Variants in BRD1 observed in about 807,000 individuals in gnomAD.
BRD1 encodes the protein bromodomain-containing protein 1.
In BRD1, 24 loss-of-function variants were observed where a neutral mutation model predicts 107.7. That is an observed-to-expected ratio of 0.22 (90% confidence interval 0.16 to 0.31). The LOEUF (loss-of-function observed/expected upper bound fraction) is 0.31, where lower values mean the gene tolerates loss of function less well. Among genes scored for constraint, BRD1 ranks in the 10% least tolerant of loss-of-function variants. BRD1 has a pLI of 1.00. For synonymous variants in BRD1, 744 were observed against 686.1 expected (o/e 1.08, Z -1.32); for missense variants, 1,279 against 1,638.6 (o/e 0.78, Z 3.79).
chr22:49,784,407 C>T (rs1170568728), intron 8 of BRD1, among the ~76,000 whole-genome samples: 4 of 152,182 alleles, frequency 2.6e-5, no homozygotes, highest in African/African-American at 4.8e-5. Flanking sequence ...CTTCAGGTGA[C>T]GGTTCACTGC....
chr22:49,803,205 C>G lies in BRD1; in HGVS notation c.1524+999G>C, dbSNP rs2059674203. Among the ~76,000 whole-genome samples the G allele has an allele frequency of 6.6e-6, 1 of 152,264 alleles. No homozygotes were observed. Among genetic ancestry groups the G allele is most frequent in the South Asian group, 2.1e-4 (1 of 4,838 alleles). The stretch of plus-strand genomic sequence containing the variant: ...CTGAACAGGGCTCACGCTGCAGAGG[C>G]AGAGTCTGCGAGGCAGAGACAGCAC... On this transcript the variant is annotated intron_variant, in intron 3 of 12. Transcript: ENST00000404760. This position sits in a 1 kb window ranked among gnomAD's most constrained non-coding sequence, Gnocchi z 4.4.
chr22:49,782,180 G>A lies in BRD1; in HGVS notation c.2858-4367C>T, dbSNP rs2059223232. 2.7e-5 allele frequency among the ~76,000 whole-genome samples: 4 copies of A among 150,258 alleles called. No homozygotes were observed. The South Asian group carries it at 8.6e-4, about 32-fold the overall frequency. ...CTGGGACCTGCTCCGTGACAATGCAGCCGGGGACGGTCAGAGACAGACCCA... is the reference window on the plus strand; with the variant it reads ...CTGGGACCTGCTCCGTGACAATGCAACCGGGGACGGTCAGAGACAGACCCA... On this transcript the variant is annotated intron_variant, in intron 8 of 12. Coordinates refer to ENST00000404760, the MANE Select transcript of BRD1 (RefSeq NM_001304808.3).
chr22:49,788,088 C>G (rs2059364386), intron 7 of BRD1, among the ~76,000 whole-genome samples: 1 of 152,170 alleles, frequency 6.6e-6, no homozygotes, highest in South Asian at 2.1e-4. Flanking sequence ...AGGCTGCGGC[C>G]CTGGGTGCAG....
rs763135820 is a variant in BRD1, at chr22:49,804,185, G to A, written c.1524+19C>T. ...GGGTGAGAGACGCAGAAAGGCTGTG[G>A]GGGCCACGAGCCACGTACCTGCTGT... On this transcript the variant is annotated intron_variant, in intron 3 of 12. Coordinates refer to ENST00000404760, the MANE Select transcript of BRD1 (RefSeq NM_001304808.3). 8 of 1,554,978 alleles carry A rather than the reference G, an allele frequency of 5.1e-6. No homozygotes were observed. The Admixed American group carries it at 5.4e-5, about 10-fold the overall frequency.
chr22:49,797,186 A>G (rs2059551005), intron 6 of BRD1, among the ~76,000 whole-genome samples: 1 of 152,192 alleles, frequency 6.6e-6, no homozygotes, highest in African/African-American at 2.4e-5. Context: ...GTGACTACAC[A>G]TGGCTGCAAC....
At chr22:49,787,079 TAAA>T (rs574375921) in intron 8 of BRD1, among the ~76,000 whole-genome samples, 1 of 150,804 alleles carries the variant, frequency 6.6e-6, no homozygotes, top group Non-Finnish European at 1.5e-5. Context: ...AAGACTCTCT[TAAA>T]AAAAAATCAG....
At chr22:49,775,432 T>C (rs2059062475) in intron 12 of BRD1, 159 bp downstream of exon 12, 2 of 696,382 alleles carry the variant, frequency 2.9e-6, no homozygotes, top group East Asian at 6.1e-5. Flanking sequence ...GGCAGTGCCC[T>C]TCTCCACCAG....
chr22:49,799,408 C>T (rs1300696520), intron 3 of BRD1, among the ~76,000 whole-genome samples: 10 of 152,168 alleles, frequency 6.6e-5, no homozygotes, highest in Non-Finnish European at 1.2e-4. Flanking sequence ...CAGAGGCCTC[C>T]GCAAGCTGGC....
chr22:49,809,189 A>G (rs1437431148), intron 2 of BRD1, among the ~76,000 whole-genome samples: 4 of 152,288 alleles, frequency 2.6e-5, no homozygotes, highest in South Asian at 2.1e-4. Context: ...GTAATCCAAC[A>G]TAAGTCAACA....
rs759585356 is a variant in BRD1 at position 49,787,607 on chromosome 22, G to A, written c.2640C>T (p.Arg880=). Reference sequence around the variant, plus strand: ...TCGATTTGCAGAAGAGAACAGAAGTGCGTCTGTTTACATCGCTTGCTGGCT... The same window carrying A: ...TCGATTTGCAGAAGAGAACAGAAGTACGTCTGTTTACATCGCTTGCTGGCT... The part of the protein sequence containing the change: ...VAEPASDVNR[R]TSVLFCKSKS... The change falls in exon 8 of 13, where the codon CGC becomes CGT. Residue 880 remains arginine (R), a synonymous_variant. Transcript: ENST00000404760. 9 of 1,553,516 alleles carry A rather than the reference G, an allele frequency of 5.8e-6. No individual in the cohort carries two copies. The Admixed American group carries it at 7.8e-5, about 13-fold the overall frequency.
rs745908465 is a variant in BRD1 at position 49,798,028 on chromosome 22, A to G, written c.1875T>C (p.His625=). 1 of 1,614,060 alleles carries G rather than the reference A, an allele frequency of 6.2e-7. No individual in the cohort carries two copies. Among genetic ancestry groups the G allele is most frequent in the Admixed American group, 1.7e-5 (1 of 60,028 alleles). ...RLEAQGYKNL[H]EFEEDFDLII... is the part of the protein sequence containing the mutation. ...TGAGATCAAAATCCTCCTCAAACTC[A>G]TGGAGGTTTTTATACCCTTGAGCTT... Residue 625 remains histidine, a synonymous_variant, in exon 6 of 13, where the codon CAT becomes CAC. Transcript: ENST00000404760.
At chr22:49,818,661 A>G (rs2060002843) in intron 2 of BRD1, among the ~76,000 whole-genome samples, 1 of 151,988 alleles carries the variant, frequency 6.6e-6, no homozygotes, top group Non-Finnish European at 1.5e-5. Context: ...GCAGAGGCAG[A>G]TGGATCACGA....
At chr22:49,809,472 C>T (rs1269610200) in intron 2 of BRD1, among the ~76,000 whole-genome samples, 1 of 148,832 alleles carries the variant, frequency 6.7e-6, no homozygotes, top group Non-Finnish European at 1.5e-5. Flanking sequence ...ACACGGGAGG[C>T]GGAGGTTGTA....
chr22:49,789,481 C>G (rs1025141490), intron 7 of BRD1, among the ~76,000 whole-genome samples: 17 of 151,544 alleles, frequency 1.1e-4, no homozygotes, highest in Admixed American at 8.5e-4. Flanking sequence ...CCTCTTCCAC[C>G]TCCTAGCCTC....
At chr22:49,776,209 A>G in intron 10 of BRD1, 50 bp from the exon 11 acceptor site, 1 of 1,484,700 alleles carries the variant, frequency 6.7e-7, no homozygotes, top group Non-Finnish European at 9.2e-7. Flanking sequence ...GACACGGGGC[A>G]CGCCCCGCCC....
chr22:49,795,534 G>C (rs566319468), intron 6 of BRD1, among the ~76,000 whole-genome samples: 1 of 152,274 alleles, frequency 6.6e-6, no homozygotes, highest in African/African-American at 2.4e-5. Flanking sequence ...TCTGTTCGAG[G>C]GAGGTGGCAT....
rs1228057513 is a variant in BRD1, at chr22:49,777,174, G to A, written c.2994-13C>T. ...GGGCGCATTAAAGCTTCGGGAGGAA[G>A]AGCAGAGGGAGTCAGGCGCCCCGCC... On this transcript the variant is annotated splice_polypyrimidine_tract_variant and intron_variant, in intron 9 of 12. Transcript: ENST00000404760. 3 of 1,611,486 alleles carry A rather than the reference G, an allele frequency of 1.9e-6. No individual in the cohort carries two copies. The highest frequency in any genetic ancestry group is 2.2e-5 in the South Asian group (2 of 91,062).
intron 8 of BRD1, among the ~76,000 whole-genome samples, chr22:49,778,684 C>G (rs183631933): frequency 0.019 from 2,915 of 152,016 alleles, 82 homozygotes; most frequent in African/African-American, 0.066. Flanking sequence ...TTTTTTGAGG[C>G]GGAGTCTCAC....
chr22:49,800,853 C>A (rs1022385963), intron 3 of BRD1, among the ~76,000 whole-genome samples: 2 of 152,254 alleles, frequency 1.3e-5, no homozygotes, highest in African/African-American at 4.8e-5. Flanking sequence ...AGAAGCTGAG[C>A]GCCTCCGCGT....
Sources: gnomAD v4.1 joint callset for allele counts (sites outside exome capture counted in the v4.1 genomes callset) on GRCh38, gnomAD v4.1.1 for gene constraint, Gnocchi (gnomAD v3.1) non-coding constraint, MANE v1.5 for transcripts, NCBI Gene and HGNC (gene_info 2026-07-23, HGNC 2026-07-21) for gene names.